Variants in RNF2 observed in about 807,000 individuals in gnomAD.
RNF2 encodes the protein E3 ubiquitin-protein ligase RING2.
A neutral mutation model predicts 37.2 loss-of-function variants in RNF2; 6 were observed. That is an observed-to-expected ratio of 0.16 (90% CI 0.09 to 0.32). RNF2 has a LOEUF of 0.32. RNF2 is among the 10% of genes least tolerant of loss of function. The probability of loss-of-function intolerance (pLI) is 1.00; values close to 1 mark genes in which losing one functional copy is unlikely to be tolerated. For synonymous variants in RNF2, 133 were observed against 132.7 expected (o/e 1.00, Z -0.02); for missense variants, 251 against 404.0 (o/e 0.62, Z 3.25).
chr1:185,074,957 A>G (rs982885206), intron 1 of RNF2, among the ~76,000 whole-genome samples: 9 of 152,016 alleles, frequency 5.9e-5, no homozygotes, highest in Non-Finnish European at 1.3e-4. Context: ...CCCCTTGGAT[A>G]CTGAGGGACG....
chr1:185,067,804 G>A (rs1455453154), intron 1 of RNF2, among the ~76,000 whole-genome samples: 5 of 138,900 alleles, frequency 3.6e-5, no homozygotes, highest in South Asian at 2.4e-4. Context: ...TCTGCCTCCC[G>A]GGTTCAAACG....
chr1:185,068,160 C>T (rs954321498), intron 1 of RNF2, among the ~76,000 whole-genome samples: 2 of 152,166 alleles, frequency 1.3e-5, no homozygotes, highest in Non-Finnish European at 2.9e-5. Flanking sequence ...AAATGTATTT[C>T]ACATTTGTTT....
intron 2 of RNF2, among the ~76,000 whole-genome samples, chr1:185,088,727 C>T (rs1210226549): frequency 1.3e-5 from 2 of 152,120 alleles, no homozygotes; most frequent in African/African-American, 4.8e-5. Flanking sequence ...GCAACCACAA[C>T]TGAAAAAATC....
Position 185,099,791 on chromosome 1 carries a change from A to G in RNF2, c.738A>G (p.Arg246=). The change falls in exon 6 of 7, where the codon AGA becomes AGG. Residue 246 remains arginine (R), a splice_region_variant and synonymous_variant. Coordinates refer to ENST00000367510, the MANE Select transcript of RNF2 (RefSeq NM_007212.4). ...AATTTTTAATGATTTATTCTTCTAG[A>G]TACATAAAGACTTCTGGTAACGCCA... ...LMEKDDSAQT[R]YIKTSGNATV... is the part of the protein sequence containing the mutation. 1 of 1,611,390 alleles carries G rather than the reference A, an allele frequency of 6.2e-7. No individual in the cohort carries two copies. Among genetic ancestry groups the G allele is most frequent in the Non-Finnish European group, 8.5e-7 (1 of 1,179,010 alleles).
chr1:185,100,375 A>G lies in RNF2; in HGVS notation c.*74A>G. ...TTAATATTAAAGATGTACTGGCATT[A>G]CTTTTATGGACAGATCTTGGATATG... is the stretch of plus-strand genomic sequence containing the variant. On this transcript the variant is annotated 3_prime_UTR_variant, in exon 7 of 7. Coordinates refer to ENST00000367510, the MANE Select transcript of RNF2 (RefSeq NM_007212.4). 1.1e-6 allele frequency: 1 copy of G among 903,152 alleles called. No homozygotes were observed. The highest frequency in any genetic ancestry group is 1.7e-6 in the Non-Finnish European group (1 of 579,226). 55.9% of individuals were successfully genotyped at this position (903,152 alleles called of 1,614,324 possible). A position where few individuals can be genotyped will look rare whatever the true frequency, so the allele number is the denominator to read the frequency against.
At chr1:185,045,916 C>G (rs1404211573) in intron 1 of RNF2, among the ~76,000 whole-genome samples, 1 of 152,136 alleles carries the variant, frequency 6.6e-6, no homozygotes, top group East Asian at 1.9e-4. Flanking sequence ...GTCAGCGAAG[C>G]GCCGGGATTC....
intron 1 of RNF2, among the ~76,000 whole-genome samples, chr1:185,051,886 G>A (rs576791858): frequency 3.9e-4 from 58 of 148,254 alleles, no homozygotes; most frequent in African/African-American, 1.4e-3. Context: ...AAAAATGTGT[G>A]TATGTAAAAA....
At chr1:185,058,890 T>C (rs945226546) in intron 1 of RNF2, among the ~76,000 whole-genome samples, 8 of 152,248 alleles carry the variant, frequency 5.3e-5, no homozygotes, top group Admixed American at 5.2e-4. Context: ...TATATTGACT[T>C]GGTTAAAGTC....
At chr1:185,084,609 C>G (rs780899304) in intron 1 of RNF2, among the ~76,000 whole-genome samples, 2 of 152,124 alleles carry the variant, frequency 1.3e-5, no homozygotes, top group Non-Finnish European at 2.9e-5. Flanking sequence ...ATATTTGGTA[C>G]TTTTTTTCCT....
intron 3 of RNF2, chr1:185,091,983 T>G (rs1651777663): frequency 1.9e-5 from 5 of 257,206 alleles, no homozygotes; most frequent in Non-Finnish European, 3.6e-5. Context: ...GCCGGCTAGT[T>G]TTTTTTTTTT....
chr1:185,060,289 T>A (rs1650560399), intron 1 of RNF2, among the ~76,000 whole-genome samples: 2 of 152,224 alleles, frequency 1.3e-5, no homozygotes, highest in Admixed American at 1.3e-4. Flanking sequence ...CTGATCTGTA[T>A]CATTAAGTCT....
chr1:185,087,277 T>C (rs1651628697), intron 1 of RNF2, among the ~76,000 whole-genome samples: 1 of 152,160 alleles, frequency 6.6e-6, no homozygotes, highest in South Asian at 2.1e-4. Flanking sequence ...GCAGATGCAG[T>C]GTCTGGTGAG....
In RNF2 at chr1:185,054,127, A is replaced by G. The variant is rs1037522335; in HGVS notation, c.-3+8478A>G. Among the ~76,000 whole-genome samples the G allele has an allele frequency of 2.6e-5, 4 of 152,344 alleles. No individual in the cohort carries two copies. The South Asian group carries it at 8.3e-4, about 32-fold the overall frequency. ...GTGAAACTGCCGGGAAAAAGGATATATACTTTAAAAACGTCTGTAGGTAAT... is the reference window on the plus strand; with the variant it reads ...GTGAAACTGCCGGGAAAAAGGATATGTACTTTAAAAACGTCTGTAGGTAAT... On this transcript the variant is annotated intron_variant, in intron 1 of 6. Coordinates refer to ENST00000367510, the MANE Select transcript of RNF2 (RefSeq NM_007212.4).
chr1:185,075,665 AAG>A (rs1651127506), intron 1 of RNF2, among the ~76,000 whole-genome samples: 1 of 152,186 alleles, frequency 6.6e-6, no homozygotes, highest in Non-Finnish European at 1.5e-5. Flanking sequence ...GAGCAGGAGG[AAG>A]AGAGAGCAGT....
chr1:185,051,448 T>G (rs1650270279), intron 1 of RNF2, among the ~76,000 whole-genome samples: 1 of 152,224 alleles, frequency 6.6e-6, no homozygotes, highest in South Asian at 2.1e-4. Context: ...CTTTACAGAT[T>G]ATTTGAAAAG....
chr1:185,058,072 G>A (rs1408626455), intron 1 of RNF2, among the ~76,000 whole-genome samples: 1 of 152,178 alleles, frequency 6.6e-6, no homozygotes, highest in Admixed American at 6.5e-5. Flanking sequence ...GCTGCAGTGA[G>A]CCTTGATTGC....
intron 1 of RNF2, among the ~76,000 whole-genome samples, chr1:185,052,799 A>G (rs542128305): frequency 1.2e-4 from 18 of 152,326 alleles, no homozygotes; most frequent in East Asian, 5.8e-4. Flanking sequence ...TGCTGGGCAA[A>G]TATCAGCTGG....
At chr1:185,099,994 T>C (rs1375969758) in intron 6 of RNF2, 32 bp downstream of exon 6, 2 of 1,588,146 alleles carry the variant, frequency 1.3e-6, no homozygotes, top group Non-Finnish European at 1.7e-6. Flanking sequence ...CTGTTGAAAC[T>C]GGGAGCACAC....
At chr1:185,071,425 A>C (rs1391712793) in intron 1 of RNF2, 3 of 152,238 alleles carry the variant, frequency 2.0e-5, no homozygotes, top group Non-Finnish European at 4.4e-5. Context: ...GGATGAGGCT[A>C]CATATGTCTT....
Sources: allele counts gnomAD v4.1 joint callset (sites outside exome capture counted in the v4.1 genomes callset), GRCh38; gene constraint gnomAD v4.1.1; transcripts MANE v1.5; gene names NCBI Gene and HGNC (gene_info 2026-07-23, HGNC 2026-07-21).